Variants in PARM1 observed in about 807,000 individuals in gnomAD.
PARM1 encodes the protein WSC4, cell wall integrity and stress response component 4 homolog.
A neutral mutation model predicts 24.6 loss-of-function variants in PARM1; 14 were observed. The observed-to-expected ratio is 0.57, with a 90% CI of 0.38 to 0.89. The LOEUF is 0.89. PARM1 is among the 40% of genes least tolerant of loss of function. PARM1 has a pLI of 0.00. For synonymous variants in PARM1, 179 were observed against 156.6 expected (o/e 1.14, Z -1.07); for missense variants, 362 against 380.4 (o/e 0.95, Z 0.40).
chr4:75,013,198 T>A (rs759882689), intron 2 of PARM1, 48 bp downstream of exon 2: 2 of 1,549,414 alleles, frequency 1.3e-6, no homozygotes, highest in Non-Finnish European at 1.7e-6. Flanking sequence ...ACCCTCACAT[T>A]AAGAATGCAG....
chr4:74,982,094 T>C (rs1578038474), intron 1 of PARM1, among the ~76,000 whole-genome samples: 2 of 152,066 alleles, frequency 1.3e-5, no homozygotes, highest in South Asian at 4.1e-4. Flanking sequence ...TACATATACA[T>C]GATGGAATAC....
intron 1 of PARM1, among the ~76,000 whole-genome samples, chr4:75,010,140 G>A (rs1032942844): frequency 1.3e-5 from 2 of 152,162 alleles, no homozygotes; most frequent in African/African-American, 4.8e-5. Flanking sequence ...AACAAAATGT[G>A]ATACATACAT....
At chr4:75,008,144 C>A (rs1002941834) in intron 1 of PARM1, among the ~76,000 whole-genome samples, 5 of 152,142 alleles carry the variant, frequency 3.3e-5, no homozygotes, top group African/African-American at 9.7e-5. Context: ...ATGGAATGTA[C>A]CATCAAATAA....
intron 2 of PARM1, among the ~76,000 whole-genome samples, chr4:75,016,791 G>A (rs150546985): frequency 2.6e-5 from 4 of 151,958 alleles, no homozygotes; most frequent in Non-Finnish European, 2.9e-5. Flanking sequence ...TCTCTCCACC[G>A]TCACTCCTGC....
At chr4:75,045,589 CTT>C (rs1723585668) in intron 3 of PARM1, among the ~76,000 whole-genome samples, 2 of 152,202 alleles carry the variant, frequency 1.3e-5, no homozygotes, top group African/African-American at 4.8e-5. Context: ...AGTTGGATGA[CTT>C]TGGGCACTTC....
At chr4:74,959,986 T>C (rs1721732647) in intron 1 of PARM1, among the ~76,000 whole-genome samples, 1 of 152,228 alleles carries the variant, frequency 6.6e-6, no homozygotes, top group Non-Finnish European at 1.5e-5. Context: ...GGATTGGTAA[T>C]AGTAAATTTT....
chr4:75,023,611 C>T (rs1055268665), intron 2 of PARM1, among the ~76,000 whole-genome samples: 1 of 152,152 alleles, frequency 6.6e-6, no homozygotes, highest in African/African-American at 2.4e-5. Flanking sequence ...TACCTGCCTA[C>T]AGCATAATAC....
intron 1 of PARM1, among the ~76,000 whole-genome samples, chr4:74,944,402 T>C (rs78390007): frequency 0.012 from 1,887 of 152,260 alleles, 34 homozygotes; most frequent in African/African-American, 0.043. Flanking sequence ...AAGGGCAGGC[T>C]CTCAGCCATC....
chr4:75,043,667 G>A (rs1178813732), intron 3 of PARM1, among the ~76,000 whole-genome samples: 2 of 152,142 alleles, frequency 1.3e-5, no homozygotes, highest in Non-Finnish European at 2.9e-5. Context: ...GAGCTCCAGG[G>A]CTTTAGTTAC....
intron 1 of PARM1, among the ~76,000 whole-genome samples, chr4:74,959,341 G>A (rs1377415943): frequency 6.6e-6 from 1 of 152,182 alleles, no homozygotes; most frequent in Non-Finnish European, 1.5e-5. Flanking sequence ...CCTGGTGCTA[G>A]AACCTAGCAG....
rs144689374 is a variant in PARM1, at chr4:74,992,295, C to T, written c.44-20130C>T. Among the ~76,000 whole-genome samples the T allele has an allele frequency of 3.4e-3, 513 of 152,008 alleles. 6 individuals are homozygous for T. The highest frequency in any genetic ancestry group is 0.011 in the African/African-American group (474 of 41,476). ...TAAATTTGAAGGCAAAGTAATAGAA[C>T]GTTTTCAAAATAAAACGAAGAAAAT... On this transcript the variant is annotated intron_variant, in intron 1 of 3. Coordinates refer to ENST00000307428, the MANE Select transcript of PARM1 (RefSeq NM_015393.4).
chr4:75,034,651 C>T (rs1200744084), intron 3 of PARM1: 1 of 152,226 alleles, frequency 6.6e-6, no homozygotes, highest in Non-Finnish European at 1.5e-5. Flanking sequence ...ACATTACTCA[C>T]AGTCTCTAAG....
In PARM1 at chr4:75,047,355, A is replaced by T. The variant is rs376574655; in HGVS notation, c.*1108A>T. 5.3e-5 allele frequency: 8 copies of T among 152,378 alleles called. 1 individual carries two copies. Among genetic ancestry groups the T allele is most frequent in the East Asian group, 1.9e-4 (1 of 5,188 alleles). The allele number at this position is 152,378 out of a possible 1,614,324, so 9.4% of individuals were successfully genotyped here. On this transcript the variant is annotated 3_prime_UTR_variant, in exon 4 of 4. Coordinates refer to ENST00000307428, the MANE Select transcript of PARM1 (RefSeq NM_015393.4). ...GCATTTTCATAGGAAACAGACTATGATTAATCCATTTATTCTTCCCACACA... is the reference window on the plus strand; with the variant it reads ...GCATTTTCATAGGAAACAGACTATGTTTAATCCATTTATTCTTCCCACACA...
Position 75,020,888 on chromosome 4 carries a change from C to T in PARM1, c.769+7738C>T, listed in dbSNP as rs866773781. Among the ~76,000 whole-genome samples, 15 of 149,884 alleles carry T rather than the reference C, an allele frequency of 1.0e-4. No homozygotes were observed. The Middle Eastern group carries it at 0.01, about 102-fold the overall frequency. Reference sequence around the variant, plus strand: ...CAAATAGCACCTGCTCAGAAGGTCTCTTATGGAGCCCCCTGTCCAGTGTTG... The same window carrying T: ...CAAATAGCACCTGCTCAGAAGGTCTTTTATGGAGCCCCCTGTCCAGTGTTG... On this transcript the variant is annotated intron_variant, in intron 2 of 3. Coordinates refer to ENST00000307428, the MANE Select transcript of PARM1 (RefSeq NM_015393.4).
At chr4:74,996,921 C>T (rs1227352850) in intron 1 of PARM1, among the ~76,000 whole-genome samples, 18 of 152,290 alleles carry the variant, frequency 1.2e-4, no homozygotes, top group South Asian at 4.1e-4. Context: ...AAAGCTGAAA[C>T]GCTTTTGATT....
chr4:74,961,469 T>C (rs1274757651), intron 1 of PARM1, among the ~76,000 whole-genome samples: 2 of 152,132 alleles, frequency 1.3e-5, no homozygotes, highest in African/African-American at 2.4e-5. Flanking sequence ...CAACAAACTG[T>C]AACTAAAATG....
chr4:74,944,703 G>A (rs189307894), intron 1 of PARM1, among the ~76,000 whole-genome samples: 39 of 152,230 alleles, frequency 2.6e-4, no homozygotes, highest in Middle Eastern at 3.4e-3. Context: ...AAGTGAAAAC[G>A]GTTCCATCAC....
chr4:74,972,205 G>T (rs758587143), intron 1 of PARM1, among the ~76,000 whole-genome samples: 40 of 152,318 alleles, frequency 2.6e-4, no homozygotes, highest in Admixed American at 5.9e-4. Context: ...TGAAAACAGG[G>T]CCACATGGCT....
At chr4:75,037,191 A>C (rs1291515547) in intron 3 of PARM1, among the ~76,000 whole-genome samples, 3 of 152,166 alleles carry the variant, frequency 2.0e-5, no homozygotes, top group Non-Finnish European at 4.4e-5. Context: ...TTCTTTCTTC[A>C]TCCCAGATTT....
Sources: gnomAD v4.1 joint callset for allele counts (sites outside exome capture counted in the v4.1 genomes callset) on GRCh38, gnomAD v4.1.1 for gene constraint, MANE v1.5 for transcripts, NCBI Gene and HGNC (gene_info 2026-07-23, HGNC 2026-07-21) for gene names.